IHO1: variants seen among roughly 807,000 people sequenced by gnomAD.
The protein encoded by IHO1 is interactor of HORMAD1 1, also known as interactor of HORMAD1 protein 1.
IHO1 carries 13 observed loss-of-function variants against 31.0 expected under a neutral mutation model. The observed-to-expected ratio is 0.42, with a 90% CI of 0.27 to 0.67. IHO1 has a LOEUF of 0.67. Ranked by LOEUF, IHO1 falls within the 30% of genes least tolerant of loss-of-function variation. The pLI is 0.24. For synonymous variants in IHO1, 221 were observed against 248.4 expected (o/e 0.89, Z 1.04); for missense variants, 599 against 687.5 (o/e 0.87, Z 1.44).
At chr3:49,214,701 G>A (rs1456126529) in intron 2 of IHO1, among the ~76,000 whole-genome samples, 5 of 131,964 alleles carry the variant, frequency 3.8e-5, no homozygotes, top group South Asian at 2.5e-4. Context: ...GTGCAATGGC[G>A]TGGTCTCAGC....
chr3:49,193,446 C>T (rs1394069933), upstream of IHO1, among the ~76,000 whole-genome samples: 1 of 152,042 alleles, frequency 6.6e-6, no homozygotes, highest in East Asian at 1.9e-4. Flanking sequence ...CGCCTGTAAT[C>T]CCAGCACTTT....
intron 2 of IHO1, among the ~76,000 whole-genome samples, chr3:49,234,182 T>C (rs931063241): frequency 2.7e-5 from 4 of 146,318 alleles, no homozygotes; most frequent in African/African-American, 1.0e-4. Context: ...TTTTTTTTTT[T>C]TTGGTTTTTT....
intron 2 of IHO1, among the ~76,000 whole-genome samples, chr3:49,229,826 A>T (rs2107710855): frequency 6.6e-6 from 1 of 152,294 alleles, no homozygotes; most frequent in South Asian, 2.1e-4. Context: ...GGACTATTCA[A>T]CCAATTATAA....
At chr3:49,230,046 C>A (rs1230363184) in intron 2 of IHO1, among the ~76,000 whole-genome samples, 1 of 152,170 alleles carries the variant, frequency 6.6e-6, no homozygotes, top group Non-Finnish European at 1.5e-5. Flanking sequence ...TTTAGGATAT[C>A]ATTTTTGATG....
At chr3:49,234,159 G>GT (rs1256914455) in intron 2 of IHO1, among the ~76,000 whole-genome samples, 121 of 74,796 alleles carry the variant, frequency 1.6e-3, no homozygotes, top group African/African-American at 3.9e-3. Context: ...GTCTTTTGTT[G>GT]TTGTTTTTTT....
chr3:49,204,175 C>T (rs2107679476), intron 1 of IHO1, among the ~76,000 whole-genome samples: 1 of 152,294 alleles, frequency 6.6e-6, no homozygotes, highest in Non-Finnish European at 1.5e-5. Context: ...CTGGAGTCCT[C>T]ATGGCCTAAT....
At chr3:49,245,644 C>G (rs2046685411) in intron 6 of IHO1, 1 of 152,238 alleles carries the variant, frequency 6.6e-6, no homozygotes, top group Non-Finnish European at 1.5e-5. Context: ...CCACCTGTTT[C>G]CTAGCAAAAC....
intron 6 of IHO1, among the ~76,000 whole-genome samples, chr3:49,253,923 TCC>T (rs1413769711): frequency 7.3e-6 from 1 of 137,366 alleles, no homozygotes; most frequent in Admixed American, 8.2e-5. Context: ...AACCTCTACC[TCC>T]CAGGTTCAAG....
intron 4 of IHO1, among the ~76,000 whole-genome samples, chr3:49,243,842 CATATTA>C (rs1193353940): frequency 6.8e-6 from 1 of 148,120 alleles, no homozygotes; most frequent in Non-Finnish European, 1.5e-5. Flanking sequence ...TGAATATTTT[CATATTA>C]ATATTTACAT....
At chr3:49,202,297 G>A (rs1012387328) in intron 1 of IHO1, among the ~76,000 whole-genome samples, 1 of 151,074 alleles carries the variant, frequency 6.6e-6, no homozygotes, top group Non-Finnish European at 1.5e-5. Context: ...GAGCCATAGT[G>A]ATTGTCAAGA....
upstream of IHO1, among the ~76,000 whole-genome samples, chr3:49,197,204 A>G (rs1486745225): frequency 7.0e-6 from 1 of 142,020 alleles, no homozygotes; most frequent in Non-Finnish European, 1.5e-5. Context: ...GTTAGCCAGG[A>G]TGTTCTCAAT....
At chr3:49,226,355 C>T (rs530779409) in intron 2 of IHO1, among the ~76,000 whole-genome samples, 1 of 152,252 alleles carries the variant, frequency 6.6e-6, no homozygotes, top group South Asian at 2.1e-4. Context: ...CTTTTAGGAT[C>T]AATTGACCCT....
chr3:49,227,469 G>C (rs2046430569), intron 2 of IHO1, among the ~76,000 whole-genome samples: 1 of 152,106 alleles, frequency 6.6e-6, no homozygotes, highest in South Asian at 2.1e-4. Flanking sequence ...TTGGAATATT[G>C]CACTCACCGA....
chr3:49,217,608 G>A (rs140493055), intron 2 of IHO1, among the ~76,000 whole-genome samples: 24 of 150,930 alleles, frequency 1.6e-4, no homozygotes, highest in African/African-American at 5.1e-4. Context: ...AAACCTGCAC[G>A]TTGTGCACAT....
chr3:49,215,360 A>G (rs972970123), intron 2 of IHO1, among the ~76,000 whole-genome samples: 3 of 152,154 alleles, frequency 2.0e-5, no homozygotes, highest in African/African-American at 7.2e-5. Context: ...TCATAGTTTT[A>G]AGATATAAAT....
chr3:49,256,051 A>T lies in IHO1; in HGVS notation c.637-83A>T. 1 of 1,191,918 alleles carries T rather than the reference A, an allele frequency of 8.4e-7. No homozygotes were observed. Among genetic ancestry groups the T allele is most frequent in the Non-Finnish European group, 1.2e-6 (1 of 839,834 alleles). 73.8% of individuals were successfully genotyped at this position (1,191,918 alleles called of 1,614,324 possible). On this transcript the variant is annotated intron_variant, in intron 7 of 7. Coordinates refer to ENST00000452691, the MANE Select transcript of IHO1 (RefSeq NM_001135197.2). This position sits in a 1 kb window ranked among gnomAD's most constrained non-coding sequence, Gnocchi z 4.6. ...GAGCAAGCCTTGGTTCTGCTGTCAC[A>T]TCCATTGGTCTGTTCTCATGTTTTA...
chr3:49,217,642 TAA>T (rs3083866), intron 2 of IHO1, among the ~76,000 whole-genome samples: 84,780 of 147,240 alleles, frequency 0.58, 24,811 homozygotes, highest in East Asian at 0.94. Flanking sequence ...TAAAGTATAA[TAA>T]AAAAAAAAAA....
chr3:49,256,196 G>T lies in IHO1; in HGVS notation c.699G>T (p.Gln233His), dbSNP rs1339104598. 1.2e-6 allele frequency: 2 copies of T among 1,614,028 alleles called. No individual in the cohort carries two copies. The highest frequency in any genetic ancestry group is 1.7e-6 in the Non-Finnish European group (2 of 1,180,016). Residue 233 changes from glutamine to histidine, a missense_variant, in exon 8 of 8, where the codon CAG (glutamine) becomes CAT (histidine). Physicochemically the swap from Gln to His is conservative, Grantham distance 24 (BLOSUM62 0). Transcript: ENST00000452691. This position sits in a 1 kb window ranked among gnomAD's most constrained non-coding sequence, Gnocchi z 4.6. ...AGCACCTTGAAGTTTTAGTTGCTCA[G>T]CAGAGTCAGGAATTCCAGCAGCTGT... Reference protein sequence around the residue: ...NLKHLEVLVAQQSQEFQQLCE... With the variant: ...NLKHLEVLVAHQSQEFQQLCE...
intron 2 of IHO1, among the ~76,000 whole-genome samples, chr3:49,232,826 G>A (rs1446278322): frequency 1.3e-5 from 2 of 152,160 alleles, no homozygotes; most frequent in Non-Finnish European, 2.9e-5. Context: ...TTCAACAAGG[G>A]CTGACACAGA....
Sources: gnomAD v4.1 joint callset for allele counts (sites outside exome capture counted in the v4.1 genomes callset) on GRCh38, gnomAD v4.1.1 for gene constraint, Gnocchi (gnomAD v3.1) non-coding constraint, MANE v1.5 for transcripts, NCBI Gene and HGNC (gene_info 2026-07-23, HGNC 2026-07-21) for gene names.